The following RBFOX1 variants were observed in gnomAD, a reference collection of about 807,000 sequenced individuals.
The protein encoded by RBFOX1 is RNA binding protein fox-1 homolog 1.
RBFOX1 carries 8 observed loss-of-function variants against 57.7 expected under a neutral mutation model. The observed-to-expected ratio is 0.14, with a 90% confidence interval of 0.08 to 0.25. The LOEUF (loss-of-function observed/expected upper bound fraction) is 0.25, where lower values mean the gene tolerates loss of function less well. Among genes scored for constraint, RBFOX1 ranks in the 10% least tolerant of loss-of-function variants. RBFOX1 has a pLI of 1.00. For missense variants in RBFOX1, 611 were observed against 548.5 expected (o/e 1.11, Z -1.14); for synonymous variants, 326 against 222.4 (o/e 1.47, Z -4.15).
At chr16:5,750,337 C>G (rs2053149071) in intron 3 of RBFOX1, among the ~76,000 whole-genome samples, 2 of 152,232 alleles carry the variant, frequency 1.3e-5, no homozygotes, top group Admixed American at 6.5e-5. Context: ...AGGAGGCAGA[C>G]TGTCCATTCT....
At chr16:7,553,996 C>A (rs920002883) in intron 5 of RBFOX1, among the ~76,000 whole-genome samples, 2 of 152,118 alleles carry the variant, frequency 1.3e-5, no homozygotes, top group African/African-American at 4.8e-5. Flanking sequence ...GTAACCCAAG[C>A]ACTTTGGGAG....
intron 3 of RBFOX1, among the ~76,000 whole-genome samples, chr16:5,763,475 C>A (rs548030829): frequency 6.6e-6 from 1 of 152,224 alleles, no homozygotes; most frequent in Non-Finnish European, 1.5e-5. Context: ...GAGAAAAGCC[C>A]CTGGCCCAGG....
chr16:6,783,901 A>G (rs914996059), intron 3 of RBFOX1, among the ~76,000 whole-genome samples: 1 of 152,128 alleles, frequency 6.6e-6, no homozygotes, highest in Non-Finnish European at 1.5e-5. Context: ...AAGCATAACT[A>G]TGCTGAATAT....
At chr16:5,868,589 C>T (rs1054057517) in intron 4 of RBFOX1, among the ~76,000 whole-genome samples, 3 of 152,174 alleles carry the variant, frequency 2.0e-5, no homozygotes, top group African/African-American at 7.2e-5. Context: ...TCGGCATCCT[C>T]GGATACAGTA....
At chr16:6,882,310 T>C (rs1008026342) in intron 3 of RBFOX1, among the ~76,000 whole-genome samples, 2 of 152,136 alleles carry the variant, frequency 1.3e-5, no homozygotes, top group African/African-American at 2.4e-5. Flanking sequence ...CTGGGTCTCA[T>C]CCTTGTTGTT....
At chr16:7,065,851 T>C (rs2055877334) in intron 4 of RBFOX1, among the ~76,000 whole-genome samples, 1 of 152,170 alleles carries the variant, frequency 6.6e-6, no homozygotes, top group South Asian at 2.1e-4. Context: ...ACTCTTGCTT[T>C]TATGAGTTTA....
chr16:7,050,243 T>TC (rs1385299458), intron 3 of RBFOX1, among the ~76,000 whole-genome samples: 8 of 148,092 alleles, frequency 5.4e-5, no homozygotes, highest in African/African-American at 2.0e-4. Flanking sequence ...TTTAGCTTCT[T>TC]TTTTTTTCCT....
intron 4 of RBFOX1, among the ~76,000 whole-genome samples, chr16:7,156,990 C>T (rs2077282086): frequency 6.6e-6 from 1 of 152,186 alleles, no homozygotes; most frequent in Non-Finnish European, 1.5e-5. Flanking sequence ...TTATAACAAA[C>T]ATACATCCTC....
At chr16:5,992,793 G>T (rs568267145) in intron 4 of RBFOX1, among the ~76,000 whole-genome samples, 121 of 152,226 alleles carry the variant, frequency 7.9e-4, no homozygotes, top group Admixed American at 1.4e-3. Flanking sequence ...AATTAGCTGG[G>T]CATGGTGGCA....
intron 2 of RBFOX1, among the ~76,000 whole-genome samples, chr16:6,338,002 G>C (rs1236733699): frequency 6.6e-6 from 1 of 152,124 alleles, no homozygotes; most frequent in Non-Finnish European, 1.5e-5. Context: ...TCAAGGTTTT[G>C]TTACTATGTT....
chr16:5,449,148 G>A (rs949694011), intron 1 of RBFOX1, among the ~76,000 whole-genome samples: 1 of 152,124 alleles, frequency 6.6e-6, no homozygotes, highest in Non-Finnish European at 1.5e-5. Flanking sequence ...AAAGTCACAA[G>A]GGGGCCTGGA....
intron 2 of RBFOX1, among the ~76,000 whole-genome samples, chr16:6,625,652 C>T (rs12930144): frequency 0.053 from 8,049 of 152,218 alleles, 306 homozygotes; most frequent in Non-Finnish European, 0.077. Flanking sequence ...CCACCGCCCC[C>T]GCCCCAAGAA....
chr16:7,522,671 G>T (rs1468843438), intron 5 of RBFOX1, among the ~76,000 whole-genome samples: 2 of 152,158 alleles, frequency 1.3e-5, no homozygotes, highest in African/African-American at 4.8e-5. Context: ...ACTAATTTAT[G>T]CCAACAAGGT....
At chr16:5,539,131 A>G (rs1301981158) in intron 2 of RBFOX1, among the ~76,000 whole-genome samples, 1 of 152,106 alleles carries the variant, frequency 6.6e-6, no homozygotes, top group Admixed American at 6.5e-5. Context: ...ATTCTTAGAC[A>G]CCTGGGCTTC....
At chr16:7,015,826 T>G (rs1313842519) in intron 3 of RBFOX1, among the ~76,000 whole-genome samples, 1 of 152,148 alleles carries the variant, frequency 6.6e-6, no homozygotes, top group Admixed American at 6.6e-5. Flanking sequence ...GAAAGAAATA[T>G]TATTCCACAA....
intron 3 of RBFOX1, among the ~76,000 whole-genome samples, chr16:6,751,435 C>T (rs2074916255): frequency 6.6e-6 from 1 of 152,092 alleles, no homozygotes; most frequent in African/African-American, 2.4e-5. Context: ...ATTCTTGGGG[C>T]ATTTGTACCC....
intron 13 of RBFOX1, among the ~76,000 whole-genome samples, chr16:7,675,911 C>T (rs2073135187): frequency 6.6e-6 from 1 of 152,178 alleles, no homozygotes; most frequent in Non-Finnish European, 1.5e-5. Flanking sequence ...CATTGTGGTC[C>T]ACTGAGCAAG....
At chr16:7,091,953 A>G (rs982592909) in intron 4 of RBFOX1, among the ~76,000 whole-genome samples, 5 of 152,160 alleles carry the variant, frequency 3.3e-5, no homozygotes, top group African/African-American at 1.2e-4. Flanking sequence ...ACATCTGCCC[A>G]TTTTGTTTGA....
chr16:5,748,541 T>G (rs2151611870), intron 3 of RBFOX1, among the ~76,000 whole-genome samples: 1 of 152,318 alleles, frequency 6.6e-6, no homozygotes, highest in South Asian at 2.1e-4. Context: ...GGACTTTCTT[T>G]ATGAATGTGG....
Sources: allele counts gnomAD v4.1 joint callset (sites outside exome capture counted in the v4.1 genomes callset), GRCh38; gene constraint gnomAD v4.1.1; transcripts MANE v1.5; gene names NCBI Gene and HGNC (gene_info 2026-07-23, HGNC 2026-07-21).